EDIL3: variants seen among roughly 807,000 people sequenced by gnomAD.
EDIL3 encodes EGF like and discoidin domains 3.
EDIL3 carries 37 observed loss-of-function variants against 67.4 expected under a neutral mutation model. The observed-to-expected ratio is 0.55, with a 90% CI of 0.42 to 0.72. EDIL3 has a LOEUF of 0.72. Among genes scored for constraint, EDIL3 ranks in the 30% least tolerant of loss-of-function variants. The pLI, the probability that EDIL3 is intolerant of heterozygous loss-of-function variation, is 0.00. For synonymous variants in EDIL3, 195 were observed against 196.3 expected, an observed-to-expected ratio of 0.99 and a Z score of 0.05; for missense variants, 527 against 586.3, an observed-to-expected ratio of 0.90 and a Z score of 1.04.
intron 3 of EDIL3, among the ~76,000 whole-genome samples, chr5:84,200,198 C>T (rs1163421635): frequency 6.6e-6 from 1 of 152,070 alleles, no homozygotes; most frequent in Non-Finnish European, 1.5e-5. Flanking sequence ...TTAACACCAA[C>T]ATGGCACATG....
chr5:84,148,438 A>G (rs1748325899), intron 4 of EDIL3, among the ~76,000 whole-genome samples: 2 of 152,224 alleles, frequency 1.3e-5, no homozygotes, highest in African/African-American at 2.4e-5. Flanking sequence ...TACTCTTAAT[A>G]TACTTCTTTC....
intron 9 of EDIL3, among the ~76,000 whole-genome samples, chr5:84,017,146 T>G (rs996837324): frequency 6.6e-6 from 1 of 152,216 alleles, no homozygotes; most frequent in African/African-American, 2.4e-5. Context: ...GTTGATGTTC[T>G]CACTCTCATA....
At chr5:84,179,440 C>T (rs1748977141) in intron 4 of EDIL3, among the ~76,000 whole-genome samples, 1 of 152,206 alleles carries the variant, frequency 6.6e-6, no homozygotes, top group Non-Finnish European at 1.5e-5. Flanking sequence ...GGAAATTCTA[C>T]AAACTTCTGG....
chr5:84,134,749 C>G (rs988834806), intron 5 of EDIL3, among the ~76,000 whole-genome samples: 1 of 152,008 alleles, frequency 6.6e-6, no homozygotes, highest in Non-Finnish European at 1.5e-5. Context: ...AAAGCAAACA[C>G]CCCAATAGGA....
At chr5:84,362,773 T>G (rs545180201) in intron 1 of EDIL3, among the ~76,000 whole-genome samples, 1 of 152,284 alleles carries the variant, frequency 6.6e-6, no homozygotes, top group East Asian at 1.9e-4. Flanking sequence ...CTAGATTGGT[T>G]TACTATGTAG....
chr5:84,173,889 T>C (rs868779868), intron 4 of EDIL3, among the ~76,000 whole-genome samples: 25 of 152,274 alleles, frequency 1.6e-4, no homozygotes, highest in Non-Finnish European at 2.8e-4. Context: ...ATGCTGAGCA[T>C]TGCCAAGGTC....
At chr5:84,366,290 T>A (rs909607068) in intron 1 of EDIL3, among the ~76,000 whole-genome samples, 5 of 152,148 alleles carry the variant, frequency 3.3e-5, no homozygotes, top group African/African-American at 1.2e-4. Context: ...ATGATCATCA[T>A]CATATCCATC....
At chr5:84,058,098 T>C (rs1746480509) in intron 9 of EDIL3, among the ~76,000 whole-genome samples, 1 of 152,062 alleles carries the variant, frequency 6.6e-6, no homozygotes, top group African/African-American at 2.4e-5. Context: ...AGGCAGATAA[T>C]GCTGTGGGTA....
chr5:84,161,640 T>C (rs1748615313), intron 4 of EDIL3, among the ~76,000 whole-genome samples: 1 of 152,128 alleles, frequency 6.6e-6, no homozygotes, highest in African/African-American at 2.4e-5. Context: ...CAATCGCCTG[T>C]ACCTTCCTTA....
chr5:84,147,151 C>T (rs73769746), intron 4 of EDIL3, among the ~76,000 whole-genome samples: 5,853 of 151,834 alleles, frequency 0.039, 306 homozygotes, highest in African/African-American at 0.12. Flanking sequence ...TTGCCTGTAT[C>T]TAAACTTTAT....
At chr5:84,233,849 T>C (rs1479833461) in intron 2 of EDIL3, among the ~76,000 whole-genome samples, 1 of 152,116 alleles carries the variant, frequency 6.6e-6, no homozygotes, top group Non-Finnish European at 1.5e-5. Flanking sequence ...GCATGCACCT[T>C]GCAACCATGA....
chr5:84,370,300 T>C (rs1011691704), intron 1 of EDIL3, among the ~76,000 whole-genome samples: 24 of 152,192 alleles, frequency 1.6e-4, no homozygotes, highest in African/African-American at 5.5e-4. Flanking sequence ...CAGAGCTGTT[T>C]AGAAGGTTCT....
intron 1 of EDIL3, among the ~76,000 whole-genome samples, chr5:84,277,165 C>T (rs1745598659): frequency 6.6e-6 from 1 of 152,030 alleles, no homozygotes; most frequent in African/African-American, 2.4e-5. Context: ...GTTTACATCC[C>T]CCCAAGATTC....
At chr5:84,234,967 CAT>C (rs1310071959) in intron 2 of EDIL3, among the ~76,000 whole-genome samples, 4 of 151,990 alleles carry the variant, frequency 2.6e-5, no homozygotes, top group African/African-American at 7.2e-5. Context: ...AAGTGCTCTA[CAT>C]GTGTGTGTAT....
intron 3 of EDIL3, among the ~76,000 whole-genome samples, chr5:84,181,488 A>G (rs542753471): frequency 6.6e-6 from 1 of 152,200 alleles, no homozygotes; most frequent in South Asian, 2.1e-4. Flanking sequence ...TTTTCTTAAA[A>G]CCATAGCAGT....
chr5:83,977,983 C>T (rs1744903301), intron 9 of EDIL3, among the ~76,000 whole-genome samples: 2 of 151,842 alleles, frequency 1.3e-5, no homozygotes, highest in Admixed American at 6.6e-5. Flanking sequence ...CATGTTCCAA[C>T]AACCTCTTGT....
At chr5:84,291,448 A>G (rs1308550141) in intron 1 of EDIL3, among the ~76,000 whole-genome samples, 2 of 151,948 alleles carry the variant, frequency 1.3e-5, no homozygotes, top group Non-Finnish European at 2.9e-5. Flanking sequence ...AAGGTACACT[A>G]AAAACAAAAC....
chr5:84,237,176 C>T (rs1377200012), intron 2 of EDIL3, among the ~76,000 whole-genome samples: 1 of 152,064 alleles, frequency 6.6e-6, no homozygotes, highest in Non-Finnish European at 1.5e-5. Context: ...GTGTGGGAGA[C>T]TACTCACTTC....
intron 3 of EDIL3, among the ~76,000 whole-genome samples, chr5:84,212,251 A>C (rs912723379): frequency 6.6e-6 from 1 of 152,200 alleles, no homozygotes; most frequent in East Asian, 1.9e-4. Context: ...CCTAAATCCC[A>C]TAACAAGTGT....
Sources: allele counts gnomAD v4.1 joint callset (sites outside exome capture counted in the v4.1 genomes callset), GRCh38; gene constraint gnomAD v4.1.1; transcripts MANE v1.5; gene names NCBI Gene and HGNC (gene_info 2026-07-23, HGNC 2026-07-21).